The following SLC25A48 variants were observed in gnomAD, a reference collection of about 807,000 sequenced individuals.
SLC25A48 encodes solute carrier family 25 member 48.
SLC25A48 carries 29 observed loss-of-function variants against 32.2 expected under a neutral mutation model. The ratio of observed to expected loss-of-function variants is 0.90; its 90% CI spans 0.67 to 1.23. The LOEUF (loss-of-function observed/expected upper bound fraction) is 1.23. SLC25A48 is among the 50% of genes most tolerant of loss of function. The probability of loss-of-function intolerance (pLI) is 0.00; values close to 1 mark genes in which losing one functional copy is unlikely to be tolerated. For synonymous variants in SLC25A48, 164 were observed against 172.3 expected, an observed-to-expected ratio of 0.95 and a Z score of 0.38; for missense variants, 399 against 422.7, an observed-to-expected ratio of 0.94 and a Z score of 0.49.
chr5:135,881,331 G>A (rs929218015), intron 7 of SLC25A48, among the ~76,000 whole-genome samples: 4 of 152,180 alleles, frequency 2.6e-5, no homozygotes, highest in Non-Finnish European at 5.9e-5. Flanking sequence ...GGGCATTCTC[G>A]GGACGGCAGA....
intron 3 of SLC25A48, among the ~76,000 whole-genome samples, chr5:135,704,539 A>C (rs1214262298): frequency 6.6e-6 from 1 of 152,188 alleles, no homozygotes; most frequent in African/African-American, 2.4e-5. Context: ...ACTTTATGGG[A>C]CACATGTAAG....
chr5:135,802,927 G>A (rs1425641950), intron 3 of SLC25A48: 1 of 151,258 alleles, frequency 6.6e-6, no homozygotes, highest in Admixed American at 6.6e-5. Context: ...CAGTGAGTGT[G>A]CACCTTGTGA....
chr5:135,609,014 G>A (rs1752004363), intron 1 of SLC25A48, among the ~76,000 whole-genome samples: 2 of 152,222 alleles, frequency 1.3e-5, no homozygotes, highest in Non-Finnish European at 2.9e-5. Flanking sequence ...TGGACGCTGA[G>A]CTTCAATTGG....
chr5:135,843,851 T>C (rs1462566723), intron 2 of SLC25A48, among the ~76,000 whole-genome samples: 1 of 152,030 alleles, frequency 6.6e-6, no homozygotes, highest in African/African-American at 2.4e-5. Context: ...CAAGGGAGAA[T>C]GGGATTGCAG....
intron 3 of SLC25A48, among the ~76,000 whole-genome samples, chr5:135,684,497 G>A (rs1289985926): frequency 6.6e-6 from 1 of 152,172 alleles, no homozygotes; most frequent in Non-Finnish European, 1.5e-5. Flanking sequence ...GCCTCCACCA[G>A]CTCTGTGGGG....
chr5:135,881,188 A>G (rs1762448814), intron 7 of SLC25A48, among the ~76,000 whole-genome samples: 1 of 152,252 alleles, frequency 6.6e-6, no homozygotes, highest in Non-Finnish European at 1.5e-5. Flanking sequence ...CTCAGAAGAC[A>G]AAGTAAGTGT....
chr5:135,675,767 A>C (rs1753754779), intron 3 of SLC25A48, among the ~76,000 whole-genome samples: 1 of 152,042 alleles, frequency 6.6e-6, no homozygotes. Context: ...TAGGGATTGC[A>C]TTAAATCTGT....
Position 135,655,576 on chromosome 5 carries a change from A to G in SLC25A48, c.-521+20620A>G, listed in dbSNP as rs77665104. Among the ~76,000 whole-genome samples the G allele has an allele frequency of 9.6e-3, 1,461 of 152,300 alleles. 26 individuals carry two copies. Among genetic ancestry groups the G allele is most frequent in the African/African-American group, 0.033 (1,355 of 41,570 alleles). On this transcript the variant is annotated intron_variant, in intron 3 of 10. Transcript: ENST00000646290. The stretch of plus-strand genomic sequence containing the variant: ...TGAGTTTCCTATCCTCTCAGGGCCC[A>G]TAGTACGCTCTACATCAGCCCTGGT...
intron 1 of SLC25A48, among the ~76,000 whole-genome samples, chr5:135,591,716 G>T (rs1389489286): frequency 6.6e-6 from 1 of 152,180 alleles, no homozygotes; most frequent in Non-Finnish European, 1.5e-5. Context: ...TGACTGTTCT[G>T]GCCCTGCCTT....
At chr5:135,597,810 C>G (rs1751689738) in intron 1 of SLC25A48, among the ~76,000 whole-genome samples, 1 of 152,160 alleles carries the variant, frequency 6.6e-6, no homozygotes, top group Admixed American at 6.5e-5. Flanking sequence ...TTGAGACTAG[C>G]CTGACCAACA....
At chr5:135,740,161 T>C (rs1755466796) in intron 3 of SLC25A48, among the ~76,000 whole-genome samples, 3 of 152,016 alleles carry the variant, frequency 2.0e-5, no homozygotes, top group Admixed American at 6.5e-5. Flanking sequence ...AGTATATATG[T>C]GTGTGTGCAT....
At chr5:135,875,615 T>C (rs1005573000) in intron 6 of SLC25A48, 3 of 152,214 alleles carry the variant, frequency 2.0e-5, no homozygotes, top group Non-Finnish European at 2.9e-5. Context: ...AGGGCTTTAG[T>C]TTTCAAATGC....
chr5:135,626,725 C>G (rs1265305777), intron 1 of SLC25A48, among the ~76,000 whole-genome samples: 2 of 152,132 alleles, frequency 1.3e-5, no homozygotes, highest in Admixed American at 1.3e-4. Flanking sequence ...TTCAGGTCGA[C>G]TATATCATCC....
At position 135,797,910 on chromosome 5, in the gene SLC25A48, A is replaced by G. The variant is rs148802817; in HGVS notation, c.-520-14613A>G. ...ATGGTTCCTAATATCCATGAGAAAG[A>G]GGATGATATTACTCCCAATACCGCA... is the stretch of plus-strand genomic sequence containing the variant. On this transcript the variant is annotated intron_variant, in intron 3 of 10. Coordinates refer to the SLC25A48 transcript ENST00000646290. 5.3e-3 allele frequency among the ~76,000 whole-genome samples: 811 copies of G among 152,018 alleles called. 8 individuals are homozygous for G. The highest frequency in any genetic ancestry group is 0.018 in the African/African-American group (742 of 41,500).
chr5:135,769,745 G>GTT (rs1414357330), intron 3 of SLC25A48, among the ~76,000 whole-genome samples: 2 of 151,618 alleles, frequency 1.3e-5, no homozygotes, highest in African/African-American at 4.8e-5. Flanking sequence ...AATATCGCAG[G>GTT]ACGTGTACAC....
At chr5:135,800,799 GGAT>G (rs1561499636) in intron 3 of SLC25A48, among the ~76,000 whole-genome samples, 1 of 151,658 alleles carries the variant, frequency 6.6e-6, no homozygotes, top group African/African-American at 2.4e-5. Context: ...GGTGGGGAGT[GGAT>G]GATAATACAC....
At chr5:135,866,343 C>T (rs1233463315) in intron 4 of SLC25A48, among the ~76,000 whole-genome samples, 1 of 152,194 alleles carries the variant, frequency 6.6e-6, no homozygotes, top group Non-Finnish European at 1.5e-5. Context: ...TTTCCAAGGT[C>T]ATGGCCCATT....
chr5:135,719,767 A>C (rs4976324), intron 3 of SLC25A48, among the ~76,000 whole-genome samples: 134,558 of 152,098 alleles, frequency 0.88, 59,888 homozygotes, highest in African/African-American at 0.97. Context: ...GGATCAGCAT[A>C]CCTGTGGATT....
chr5:135,784,896 A>G (rs1378300082), intron 3 of SLC25A48, among the ~76,000 whole-genome samples: 1 of 119,164 alleles, frequency 8.4e-6, no homozygotes, highest in East Asian at 2.1e-4. Context: ...TGATATTACA[A>G]GCAATATTAC....
Sources: allele counts gnomAD v4.1 joint callset (sites outside exome capture counted in the v4.1 genomes callset), GRCh38; gene constraint gnomAD v4.1.1; transcripts MANE v1.5; gene names NCBI Gene and HGNC (gene_info 2026-07-23, HGNC 2026-07-21).